The following SAXO1 variants were observed in gnomAD, a reference collection of about 807,000 sequenced individuals.
The protein encoded by SAXO1 is stabilizer of axonemal microtubules 1.
Under a neutral mutation model 17.5 loss-of-function variants are expected in SAXO1, and 21 were observed. That is an observed-to-expected ratio of 1.20 (90% CI 0.85 to 1.72). The LOEUF (loss-of-function observed/expected upper bound fraction) is 1.72. Among genes scored for constraint, SAXO1 ranks in the 40% most tolerant of loss-of-function variants. SAXO1 has a pLI of 0.00. For synonymous variants in SAXO1, 274 were observed against 216.5 expected (o/e 1.27, Z -2.33); for missense variants, 843 against 596.0 (o/e 1.41, Z -4.32).
At chr9:18,963,729 C>A (rs1419077206) in intron 1 of SAXO1, among the ~76,000 whole-genome samples, 3 of 152,140 alleles carry the variant, frequency 2.0e-5, no homozygotes, top group Non-Finnish European at 2.9e-5. Flanking sequence ...ACAATCATGT[C>A]AACTGCAAAC....
chr9:18,998,218 A>G, intron 1 of SAXO1, among the ~76,000 whole-genome samples: 1 of 152,154 alleles, frequency 6.6e-6, no homozygotes, highest in Non-Finnish European at 1.5e-5. Flanking sequence ...AAACCTTGAA[A>G]AAAGGTTAGA....
chr9:18,968,237 G>A (rs1372795147), intron 1 of SAXO1, among the ~76,000 whole-genome samples: 1 of 152,156 alleles, frequency 6.6e-6, no homozygotes, highest in Non-Finnish European at 1.5e-5. Flanking sequence ...TAGAGATGAG[G>A]TTTCCTCATG....
At chr9:18,962,363 C>A (rs539312141) in intron 1 of SAXO1, among the ~76,000 whole-genome samples, 1 of 152,192 alleles carries the variant, frequency 6.6e-6, no homozygotes, top group Non-Finnish European at 1.5e-5. Flanking sequence ...CCACCGCACC[C>A]GGCTCTCATT....
intron 1 of SAXO1, among the ~76,000 whole-genome samples, chr9:18,997,486 C>A (rs1469322293): frequency 1.3e-5 from 2 of 152,256 alleles, no homozygotes; most frequent in African/African-American, 2.4e-5. Flanking sequence ...GAGCCCACCA[C>A]AGCTTAACAA....
upstream of SAXO1, among the ~76,000 whole-genome samples, chr9:19,034,951 C>T (rs1163498680): frequency 2.6e-5 from 4 of 152,200 alleles, no homozygotes; most frequent in Non-Finnish European, 5.9e-5. Flanking sequence ...ACCTTGTCAA[C>T]AATCATGGTA....
In SAXO1 at chr9:18,928,055, G is replaced by C; in HGVS notation, c.1422C>G (p.Ala474=). The C allele has an allele frequency of 6.3e-7, 1 of 1,582,918 alleles. No individual in the cohort carries two copies. Among genetic ancestry groups the C allele is most frequent in the Non-Finnish European group, 8.6e-7 (1 of 1,160,398 alleles). ...TCTAAATTACTATTTTTCAAAATCA[G>C]GCTAACACTTCCAACTCCCTCTGGT... ...NPNQRELEVL[A] The change falls in exon 4 of 4, where the codon GCC becomes GCG. Residue 474 remains alanine (A), a synonymous_variant. Transcript: ENST00000380534.
Position 19,022,154 on chromosome 9 carries a change from G to A in SAXO1, c.38+10717C>T, listed in dbSNP as rs547182113. Among the ~76,000 whole-genome samples the A allele has an allele frequency of 5.3e-5, 8 of 152,276 alleles. No individual in the cohort carries two copies. In the East Asian group the frequency reaches 9.6e-4, roughly 18 times the overall value. On this transcript the variant is annotated intron_variant, in intron 1 of 3. Transcript: ENST00000380534. ...AGACCACGAACCCACGGGGAGAAAC[G>A]AACAACTCCGGAGGCGCCACCTTTA...
At chr9:18,941,013 C>G (rs1330581267) in intron 3 of SAXO1, among the ~76,000 whole-genome samples, 1 of 152,114 alleles carries the variant, frequency 6.6e-6, no homozygotes. Flanking sequence ...GATCTGGGTA[C>G]TGTTTATATG....
At chr9:19,021,197 G>C (rs1175714699) in intron 1 of SAXO1, among the ~76,000 whole-genome samples, 1 of 152,188 alleles carries the variant, frequency 6.6e-6, no homozygotes, top group African/African-American at 2.4e-5. Context: ...CTTTTCTGTG[G>C]AATTTGGAAA....
At chr9:18,966,023 G>C (rs530338385) in intron 1 of SAXO1, among the ~76,000 whole-genome samples, 7 of 152,328 alleles carry the variant, frequency 4.6e-5, no homozygotes, top group African/African-American at 1.7e-4. Flanking sequence ...GGCTGGCTAT[G>C]AAATACTGGG....
intron 1 of SAXO1, among the ~76,000 whole-genome samples, chr9:19,022,363 T>C (rs575815279): frequency 1.2e-3 from 179 of 152,304 alleles, no homozygotes; most frequent in South Asian, 1.5e-3. Flanking sequence ...TTGAAGTGAG[T>C]GAGACCAAGA....
chr9:18,950,510 T>C (rs1193983307), intron 2 of SAXO1, among the ~76,000 whole-genome samples: 1 of 152,176 alleles, frequency 6.6e-6, no homozygotes, highest in African/African-American at 2.4e-5. Context: ...AATCCAGCCT[T>C]TCCCCACCCT....
intron 1 of SAXO1, among the ~76,000 whole-genome samples, chr9:18,976,930 A>G (rs1833176135): frequency 6.6e-6 from 1 of 152,210 alleles, no homozygotes; most frequent in South Asian, 2.1e-4. Flanking sequence ...ACAAACCAAA[A>G]CAAATGTGAA....
chr9:19,000,200 C>T (rs1834199660), intron 1 of SAXO1, among the ~76,000 whole-genome samples: 1 of 151,496 alleles, frequency 6.6e-6, no homozygotes, highest in Non-Finnish European at 1.5e-5. Flanking sequence ...AGGAGCGCCT[C>T]CACCCGGTCG....
Position 18,928,119 on chromosome 9 carries a change from T to C in SAXO1, c.1358A>G (p.Gln453Arg), listed in dbSNP as rs1421827572. The change falls in exon 4 of 4, where the codon CAG becomes CGG. Residue 453 changes from glutamine (Q) to arginine (R), a missense_variant. Gln to Arg is a conservative substitution (Grantham distance 43, BLOSUM62 1). Coordinates refer to ENST00000380534, the MANE Select transcript of SAXO1 (RefSeq NM_153707.4). ...YKPVSQAGSQ[Q>R]SSHLSVDDSE... ...ATCATCTACAGAAAGATGGCTGCTC[T>C]GCTGAGAGCCTGCCTGGGAAACTGG... 9 of 1,614,042 alleles carry C rather than the reference T, an allele frequency of 5.6e-6. No homozygotes were observed. Among genetic ancestry groups the C allele is most frequent in the East Asian group, 2.2e-5 (1 of 44,898 alleles).
chr9:18,977,854 G>A (rs965473913), intron 1 of SAXO1, among the ~76,000 whole-genome samples: 5 of 151,934 alleles, frequency 3.3e-5, no homozygotes, highest in Non-Finnish European at 7.4e-5. Flanking sequence ...AATTTACTTG[G>A]CATGATGGAG....
At chr9:18,994,102 T>C (rs1193168480) in intron 1 of SAXO1, among the ~76,000 whole-genome samples, 2 of 152,194 alleles carry the variant, frequency 1.3e-5, no homozygotes, top group East Asian at 1.9e-4. Context: ...TCAAATTTAC[T>C]GCACTAAAAT....
rs781780685 is a variant in SAXO1 at position 19,032,872 on chromosome 9, C to T, written c.37G>A (p.Gly13Arg). Residue 13 changes from glycine (G) to arginine (R), a missense_variant and splice_region_variant, in exon 1 of 4, where the codon GGG becomes AGG. By Grantham distance (125) the Gly-to-Arg change is moderately radical. Transcript: ENST00000380534. Reference protein sequence around the residue: ...TKCICELCSCGRHHCPHLPTK... With the variant: ...TKCICELCSCRRHHCPHLPTK... ...TTGCCCTGGGCGTGGCCACCTTACC[C>T]GCAGGAGCACAGTTCACAGATGCAC... The T allele has an allele frequency of 5.0e-6, 8 of 1,610,398 alleles. No homozygotes were observed. The highest frequency in any genetic ancestry group is 3.3e-5 in the South Asian group (3 of 90,838).
chr9:18,973,032 C>G (rs1265281592), intron 1 of SAXO1, among the ~76,000 whole-genome samples: 2 of 152,176 alleles, frequency 1.3e-5, no homozygotes, highest in Non-Finnish European at 2.9e-5. Flanking sequence ...TAAAGCCACC[C>G]CTGGCTGCAC....
Sources: gnomAD v4.1 joint callset for allele counts (sites outside exome capture counted in the v4.1 genomes callset) on GRCh38, gnomAD v4.1.1 for gene constraint, MANE v1.5 for transcripts, NCBI Gene and HGNC (gene_info 2026-07-23, HGNC 2026-07-21) for gene names.